ADAT2: variants seen among roughly 807,000 people sequenced by gnomAD.
ADAT2 encodes tRNA-specific adenosine-34 deaminase catalytic subunit ADAT2.
ADAT2 carries 26 observed loss-of-function variants against 25.9 expected under a neutral mutation model. The observed-to-expected ratio is 1.00, with a 90% CI of 0.74 to 1.39. The LOEUF is 1.39. ADAT2 is among the 40% of genes most tolerant of loss of function. The pLI, the probability that ADAT2 is intolerant of heterozygous loss-of-function variation, is 0.00. For missense variants in ADAT2, 220 were observed against 244.8 expected (o/e 0.90, Z 0.68); for synonymous variants, 76 against 86.8 (o/e 0.88, Z 0.69).
At chr6:143,441,178 T>C (rs1779445946) in intron 1 of ADAT2, among the ~76,000 whole-genome samples, 1 of 152,314 alleles carries the variant, frequency 6.6e-6, no homozygotes, top group Admixed American at 6.5e-5. Flanking sequence ...TTAGCCACCA[T>C]GTTTGTGATA....
chr6:143,444,126 C>T lies in ADAT2; in HGVS notation c.97-5432G>A, dbSNP rs768326922. ...CTTCCTTTGGATTTTTCTCTTTTTC[C>T]GTCTAGCAAATTTATTTCATTTCAC... On this transcript the variant is annotated intron_variant, in intron 1 of 5. Coordinates refer to ENST00000237283, the MANE Select transcript of ADAT2 (RefSeq NM_182503.3). The surrounding 1 kb of genome is among the most constrained non-coding windows in gnomAD (Gnocchi z 4.3). 3.9e-5 allele frequency among the ~76,000 whole-genome samples: 6 copies of T among 152,062 alleles called. No individual in the cohort carries two copies. The highest frequency in any genetic ancestry group is 5.9e-5 in the Non-Finnish European group (4 of 68,018).
rs753214552 is a variant in ADAT2, at chr6:143,428,489, G to A, written c.550C>T (p.Arg184Trp). The change falls in exon 6 of 6, where the codon CGG (arginine) becomes TGG (tryptophan). Residue 184 changes from arginine (R) to tryptophan (W), a missense_variant. Physicochemically the swap from Arg to Trp is moderately radical, Grantham distance 101. Transcript: ENST00000237283. The surrounding 1 kb of genome is among the most constrained non-coding windows in gnomAD (Gnocchi z 5.0). ...ENPNAPKSKV[R>W]KKECQKS The stretch of plus-strand genomic sequence containing the variant: ...CAAGATTTCTGACATTCCTTTTTCC[G>A]AACTTTCGATTTTGGTGCTGTGAAA... 1.5e-5 allele frequency: 24 copies of A among 1,613,712 alleles called. No individual in the cohort carries two copies. Among genetic ancestry groups the A allele is most frequent in the East Asian group, 2.2e-5 (1 of 44,866 alleles).
intron 1 of ADAT2, among the ~76,000 whole-genome samples, chr6:143,439,885 A>G (rs950110020): frequency 3.3e-5 from 5 of 152,226 alleles, no homozygotes; most frequent in Non-Finnish European, 7.3e-5. Flanking sequence ...GTTTAGGAAC[A>G]CTTCCATGAC....
At chr6:143,438,134 A>T (rs978997408) in intron 2 of ADAT2, among the ~76,000 whole-genome samples, 1 of 152,178 alleles carries the variant, frequency 6.6e-6, no homozygotes, top group Non-Finnish European at 1.5e-5. Context: ...TACTTTTTTA[A>T]CTTACTAGGA....
In ADAT2 at chr6:143,434,033, A is replaced by T; in HGVS notation, c.202-52T>A. ...ATGCTGTTTGCTTCATGTGACTACT[A>T]TTTTACAAATATACAAAAACTAAGT... On this transcript the variant is annotated intron_variant, in intron 2 of 5. Transcript: ENST00000237283. The surrounding 1 kb of genome is among the most constrained non-coding windows in gnomAD (Gnocchi z 4.5). 1 of 1,597,838 alleles carries T rather than the reference A, an allele frequency of 6.3e-7. No homozygotes were observed.
In ADAT2 at chr6:143,434,279, A is replaced by T. The variant is rs953861419; in HGVS notation, c.202-298T>A. On this transcript the variant is annotated intron_variant, in intron 2 of 5. Coordinates refer to ENST00000237283, the MANE Select transcript of ADAT2 (RefSeq NM_182503.3). The surrounding 1 kb of genome is among the most constrained non-coding windows in gnomAD (Gnocchi z 4.5). ...AAAATGCCATGGAGAAGGTAAGTCT[A>T]AAAAACAAAGAAAAAAAGATAAAGT... Among the ~76,000 whole-genome samples, 1 of 152,208 alleles carries T rather than the reference A, an allele frequency of 6.6e-6. No individual in the cohort carries two copies. Among genetic ancestry groups the T allele is most frequent in the Non-Finnish European group, 1.5e-5 (1 of 68,032 alleles).
At position 143,433,969 on chromosome 6, in the gene ADAT2, C is replaced by G; in HGVS notation, c.214G>C (p.Ala72Pro). The G allele has an allele frequency of 3.1e-6, 5 of 1,614,074 alleles. No individual in the cohort carries two copies. Among genetic ancestry groups the G allele is most frequent in the Non-Finnish European group, 4.2e-6 (5 of 1,180,018 alleles). ...ACCTGATCGATGGCCACCATTTCTG[C>G]ATGTCGAGTAGCCTGAAAAGAGAAA... ...VNQTKNATRHAEMVAIDQVLD... is the reference protein window; with the variant it reads ...VNQTKNATRHPEMVAIDQVLD... Residue 72 changes from alanine to proline, a missense_variant, in exon 3 of 6, where the codon GCA (alanine) becomes CCA (proline). Coordinates refer to ENST00000237283, the MANE Select transcript of ADAT2 (RefSeq NM_182503.3).
chr6:143,430,489 A>G (rs1779074534), intron 4 of ADAT2, among the ~76,000 whole-genome samples: 1 of 152,200 alleles, frequency 6.6e-6, no homozygotes, highest in South Asian at 2.1e-4. Context: ...TAACACACCA[A>G]TATAATATAT....
Position 143,446,476 on chromosome 6 carries a change from C to G in ADAT2, c.96+4087G>C, listed in dbSNP as rs1032829998. Among the ~76,000 whole-genome samples, 2 of 152,042 alleles carry G rather than the reference C, an allele frequency of 1.3e-5. No homozygotes were observed. Among genetic ancestry groups the G allele is most frequent in the Non-Finnish European group, 2.9e-5 (2 of 67,996 alleles). On this transcript the variant is annotated intron_variant, in intron 1 of 5. Transcript: ENST00000237283. The surrounding 1 kb of genome is among the most constrained non-coding windows in gnomAD (Gnocchi z 5.0). ...CTTCTTTGTGATTTATTCCTAGAAA[C>G]AGCTGTAAAATACAAAGAGCTCCTA...
At chr6:143,431,162 T>C (rs1013314215) in intron 4 of ADAT2, among the ~76,000 whole-genome samples, 2 of 152,248 alleles carry the variant, frequency 1.3e-5, no homozygotes, top group Admixed American at 6.5e-5. Context: ...CCTGGAGATA[T>C]GGCTGCAAGC....
At position 143,444,686 on chromosome 6, in the gene ADAT2, C is replaced by T. The variant is rs1779552397; in HGVS notation, c.96+5877G>A. On this transcript the variant is annotated intron_variant, in intron 1 of 5. Transcript: ENST00000237283. The surrounding 1 kb of genome is among the most constrained non-coding windows in gnomAD (Gnocchi z 4.3). ...GGCTACAAGGTTTTTCATAAAGTAA[C>T]AAATGATCAACCTTCAAAATTAAAG... 1 of 161,622 alleles carries T rather than the reference C, an allele frequency of 6.2e-6. No homozygotes were observed. The highest frequency in any genetic ancestry group is 2.4e-5 in the African/African-American group (1 of 41,574). 10.0% of individuals were successfully genotyped at this position (161,622 alleles called of 1,614,324 possible). A position where few individuals can be genotyped will look rare whatever the true frequency, so the allele number is the denominator to read the frequency against.
In ADAT2 at chr6:143,422,896, T is replaced by C. The variant is rs1163280015; in HGVS notation, c.*5567A>G. The C allele has an allele frequency of 1.3e-5, 2 of 152,250 alleles. No homozygotes were observed. The highest frequency in any genetic ancestry group is 4.8e-5 in the African/African-American group (2 of 41,466). 9.4% of individuals were successfully genotyped at this position (152,250 alleles called of 1,614,324 possible). ...TAAAATGATACATTATCTTTTCTCC[T>C]TGCCACTCTCTTAAAATGTATACAA... On this transcript the variant is annotated 3_prime_UTR_variant, in exon 6 of 6. Coordinates refer to ENST00000237283, the MANE Select transcript of ADAT2 (RefSeq NM_182503.3). This position sits in a 1 kb window ranked among gnomAD's most constrained non-coding sequence, Gnocchi z 4.3.
At chr6:143,445,579 G>A (rs983323301) in intron 1 of ADAT2, among the ~76,000 whole-genome samples, 3 of 152,094 alleles carry the variant, frequency 2.0e-5, no homozygotes, top group Non-Finnish European at 4.4e-5. Flanking sequence ...TTATCTCAAC[G>A]GACGTGTTGA....
chr6:143,438,595 T>C lies in ADAT2; in HGVS notation c.196A>G (p.Lys66Glu). 1.2e-6 allele frequency: 2 copies of C among 1,610,232 alleles called. No homozygotes were observed. Among genetic ancestry groups the C allele is most frequent in the Non-Finnish European group, 1.7e-6 (2 of 1,176,584 alleles). The change falls in exon 2 of 6, where the codon AAA (lysine) becomes GAA (glutamate). Residue 66 changes from lysine (K) to glutamate (E), a missense_variant. Physicochemically the swap from Lys to Glu is moderately conservative, Grantham distance 56. Transcript: ENST00000237283. The stretch of plus-strand genomic sequence containing the variant: ...ATACTGCTCAACTCACATACATTTT[T>C]GGTTTGGTTAACTTCATTTCTCCCC... ...GKGRNEVNQT[K>E]NATRHAEMVA... is the part of the protein sequence containing the mutation.
rs1322542320 is a variant in ADAT2, at chr6:143,428,656, G to T, written c.488C>A (p.Ala163Glu). Residue 163 changes from alanine (A) to glutamate (E), a missense_variant, in exon 5 of 6, where the codon GCA (alanine) becomes GAA (glutamate). By Grantham distance (107) the Ala-to-Glu change is moderately radical. Coordinates refer to ENST00000237283, the MANE Select transcript of ADAT2 (RefSeq NM_182503.3). The surrounding 1 kb of genome is among the most constrained non-coding windows in gnomAD (Gnocchi z 5.0). ...GTAGAAGGTCTTTAACATTTCCACT[G>T]CTTCCTCAGCCCGATATCCAGGGAT... ...QCIPGYRAEE[A>E]VEMLKTFYKQ... 1 of 1,614,002 alleles carries T rather than the reference G, an allele frequency of 6.2e-7. No homozygotes were observed. The highest frequency in any genetic ancestry group is 8.5e-7 in the Non-Finnish European group (1 of 1,179,972).
intron 4 of ADAT2, among the ~76,000 whole-genome samples, chr6:143,429,050 T>C (rs1055237306): frequency 6.6e-6 from 1 of 152,210 alleles, no homozygotes. Context: ...TTAAGTGAGA[T>C]AATACCTGTT....
chr6:143,439,713 A>G (rs1019300039), intron 1 of ADAT2, among the ~76,000 whole-genome samples: 1 of 152,206 alleles, frequency 6.6e-6, no homozygotes, highest in African/African-American at 2.4e-5. Context: ...AGGTACACAA[A>G]AAAATTTTCT....
In ADAT2 at chr6:143,422,892, C is replaced by G. The variant is rs2128735947; in HGVS notation, c.*5571G>C. 6.6e-6 allele frequency: 1 copy of G among 152,322 alleles called. No individual in the cohort carries two copies. Among genetic ancestry groups the G allele is most frequent in the South Asian group, 2.1e-4 (1 of 4,826 alleles). 9.4% of individuals were successfully genotyped at this position (152,322 alleles called of 1,614,324 possible). A position where few individuals can be genotyped will look rare whatever the true frequency, so the allele number is the denominator to read the frequency against. ...CAAATAAAATGATACATTATCTTTT[C>G]TCCTTGCCACTCTCTTAAAATGTAT... On this transcript the variant is annotated 3_prime_UTR_variant, in exon 6 of 6. Transcript: ENST00000237283. This position sits in a 1 kb window ranked among gnomAD's most constrained non-coding sequence, Gnocchi z 4.3.
chr6:143,431,548 A>T (rs9496632), intron 4 of ADAT2, among the ~76,000 whole-genome samples: 42,892 of 152,130 alleles, frequency 0.28, 6,296 homozygotes, highest in Admixed American at 0.32. Context: ...TTGCATTACA[A>T]TTTCTTTTCT....
Sources: allele counts gnomAD v4.1 joint callset (sites outside exome capture counted in the v4.1 genomes callset), GRCh38; gene constraint gnomAD v4.1.1; non-coding constraint Gnocchi (gnomAD v3.1); transcripts MANE v1.5; gene names NCBI Gene and HGNC (gene_info 2026-07-23, HGNC 2026-07-21).